SLC2A2: variants seen among roughly 807,000 people sequenced by gnomAD.
SLC2A2 encodes the protein solute carrier family 2, facilitated glucose transporter member 2.
Under a neutral mutation model 54.5 loss-of-function variants are expected in SLC2A2, and 36 were observed. The ratio of observed to expected loss-of-function variants is 0.66; its 90% CI spans 0.51 to 0.87. SLC2A2 has a LOEUF of 0.87. SLC2A2 is among the 40% of genes least tolerant of loss of function. The pLI is 0.00. For missense variants in SLC2A2, 543 were observed against 624.3 expected, an observed-to-expected ratio of 0.87 and a Z score of 1.39; for synonymous variants, 223 against 219.1, an observed-to-expected ratio of 1.02 and a Z score of -0.16.
chr3:171,026,289 C>T (rs1200184625), intron 1 of SLC2A2, among the ~76,000 whole-genome samples: 2 of 151,262 alleles, frequency 1.3e-5, no homozygotes, highest in Non-Finnish European at 2.9e-5. Context: ...AACCCTTCTA[C>T]CTCTTTTGTC....
chr3:171,017,448 C>T (rs1041829544), intron 2 of SLC2A2, among the ~76,000 whole-genome samples: 18 of 152,128 alleles, frequency 1.2e-4, no homozygotes, highest in Non-Finnish European at 1.9e-4. Context: ...TTATGGTCAG[C>T]GCATATTTCA....
At chr3:171,025,693 G>C (rs1716655543) in intron 1 of SLC2A2, among the ~76,000 whole-genome samples, 1 of 152,202 alleles carries the variant, frequency 6.6e-6, no homozygotes, top group Admixed American at 6.5e-5. Context: ...TGACATGAAG[G>C]AATGTTCAGC....
At chr3:171,013,002 G>T (rs1254281684) in intron 3 of SLC2A2, among the ~76,000 whole-genome samples, 1 of 152,102 alleles carries the variant, frequency 6.6e-6, no homozygotes, top group Non-Finnish European at 1.5e-5. Flanking sequence ...TTAAGTCACT[G>T]AACTCATCAG....
At chr3:171,018,738 A>G in intron 1 of SLC2A2, 115 bp from the exon 2 acceptor site, 1 of 738,588 alleles carries the variant, frequency 1.4e-6, no homozygotes, top group South Asian at 1.4e-5. Context: ...CTTTCCCCTC[A>G]ATATCGATTT....
Position 170,996,474 on chromosome 3 carries a change from T to C in SLC2A2, c.*1429A>G. The stretch of plus-strand genomic sequence containing the variant: ...TTAAAGAGTACTTTTTAAAAAGTGC[T>C]TTTCTTCAATACACATTAAAGCAAA... On this transcript the variant is annotated 3_prime_UTR_variant, in exon 11 of 11. Transcript: ENST00000314251. 1 of 395,680 alleles carries C rather than the reference T, an allele frequency of 2.5e-6. No individual in the cohort carries two copies. The highest frequency in any genetic ancestry group is 4.5e-6 in the Non-Finnish European group (1 of 224,292). 24.5% of individuals were successfully genotyped at this position (395,680 alleles called of 1,614,324 possible).
intron 8 of SLC2A2, among the ~76,000 whole-genome samples, chr3:171,001,939 A>G (rs1024348140): frequency 2.6e-5 from 4 of 151,536 alleles, no homozygotes; most frequent in Non-Finnish European, 4.4e-5. Flanking sequence ...TTTTGTTGGA[A>G]GAAAACAATA....
chr3:171,004,424 T>A (rs1344492619), intron 7 of SLC2A2, among the ~76,000 whole-genome samples: 1 of 151,832 alleles, frequency 6.6e-6, no homozygotes, highest in Non-Finnish European at 1.5e-5. Context: ...TGGAGTGAGG[T>A]TCAGGTCTCA....
At chr3:170,999,604 G>A (rs1323784449) in intron 8 of SLC2A2, among the ~76,000 whole-genome samples, 1 of 151,790 alleles carries the variant, frequency 6.6e-6, no homozygotes, top group Non-Finnish European at 1.5e-5. Context: ...TAATTACAAG[G>A]GTCTGTGCAC....
chr3:171,019,077 ATATATATATGTGTGTGTGTG>A (rs1449284001), intron 1 of SLC2A2, among the ~76,000 whole-genome samples: 2 of 85,884 alleles, frequency 2.3e-5, no homozygotes, highest in Non-Finnish European at 4.1e-5. Context: ...GTGTGTGTGT[ATATATATATGTGTGTGTGTG>A]TATATATATA....
chr3:171,008,334 T>C (rs1196848914), intron 4 of SLC2A2, among the ~76,000 whole-genome samples: 1 of 152,142 alleles, frequency 6.6e-6, no homozygotes, highest in Non-Finnish European at 1.5e-5. Context: ...GTGTAGCCTG[T>C]TGATCTTAAG....
chr3:171,010,484 A>G (rs576893464), intron 3 of SLC2A2, among the ~76,000 whole-genome samples: 5 of 152,270 alleles, frequency 3.3e-5, no homozygotes, highest in African/African-American at 1.2e-4. Context: ...GCTTAAGATA[A>G]CACTTATGAC....
At position 171,020,175 on chromosome 3, in the gene SLC2A2, T is replaced by C. The variant is rs372646299; in HGVS notation, c.16-1552A>G. ...TCCCTACCCTGGTGTAAAGCCCCAG[T>C]ATAAAGAATAGCAAATTAGCCAGAA... On this transcript the variant is annotated intron_variant, in intron 1 of 10. Transcript: ENST00000314251. Among the ~76,000 whole-genome samples, 148 of 152,210 alleles carry C rather than the reference T, an allele frequency of 9.7e-4. 2 individuals are homozygous for C. The South Asian group carries it at 0.03, about 30-fold the overall frequency.
At chr3:171,013,071 G>A (rs1576836689) in intron 3 of SLC2A2, among the ~76,000 whole-genome samples, 1 of 152,254 alleles carries the variant, frequency 6.6e-6, no homozygotes, top group South Asian at 2.1e-4. Context: ...GGAATGAGAA[G>A]TAGTATAAAA....
chr3:171,007,178 C>T lies in SLC2A2; in HGVS notation c.582G>A (p.Leu194=). 6.2e-7 allele frequency: 1 copy of T among 1,612,268 alleles called. No homozygotes were observed. Among genetic ancestry groups the T allele is most frequent in the East Asian group, 2.2e-5 (1 of 44,810 alleles). Residue 194 remains leucine, a synonymous_variant, in exon 5 of 11, where the codon CTG becomes CTA. Transcript: ENST00000314251. ...TAATAAGAATGCCCGTGACGATGGC[C>T]AGCTGATGAAAAGTGCCAAGTGCTC... is the stretch of plus-strand genomic sequence containing the variant. ...LRGALGTFHQ[L]AIVTGILISQ... is the part of the protein sequence containing the mutation.
chr3:171,002,784 G>T, intron 7 of SLC2A2, 104 bp from the exon 8 acceptor site: 1 of 726,674 alleles, frequency 1.4e-6, no homozygotes. Flanking sequence ...TTTCTATAGC[G>T]GCATGCACCC....
In SLC2A2 at chr3:171,026,692, C is replaced by G. The variant is rs763676932; in HGVS notation, c.-22G>C. ...TCATTGTACTAGTTGGGAGTCCTGT[C>G]AATTCCAGGTCTTGTGTGAGTGTGG... is the stretch of plus-strand genomic sequence containing the variant. On this transcript the variant is annotated 5_prime_UTR_variant, in exon 1 of 11. Coordinates refer to ENST00000314251, the MANE Select transcript of SLC2A2 (RefSeq NM_000340.2). 4 of 1,611,372 alleles carry G rather than the reference C, an allele frequency of 2.5e-6. No homozygotes were observed. The highest frequency in any genetic ancestry group is 3.4e-6 in the Non-Finnish European group (4 of 1,177,502).
In SLC2A2 at chr3:171,018,706, T is replaced by C. The variant is rs1010929290; in HGVS notation, c.16-83A>G. 8.9e-5 allele frequency: 80 copies of C among 901,758 alleles called. No individual in the cohort carries two copies. The African/African-American group carries it at 1.0e-3, about 12-fold the overall frequency. The allele number at this position is 901,758 out of a possible 1,614,324, so 55.9% of individuals were successfully genotyped here. ...TCTGTCAGGCTGCAGCTTAAACTTCTTACAGGCTCCACAGGCTGGTTCTTT... is the reference window on the plus strand; with the variant it reads ...TCTGTCAGGCTGCAGCTTAAACTTCCTACAGGCTCCACAGGCTGGTTCTTT... On this transcript the variant is annotated intron_variant, in intron 1 of 10. Coordinates refer to ENST00000314251, the MANE Select transcript of SLC2A2 (RefSeq NM_000340.2).
rs1335224486 is a variant in SLC2A2 at position 171,005,601 on chromosome 3, T to G, written c.776-129A>C. The G allele has an allele frequency of 5.0e-5, 37 of 745,634 alleles. 1 individual carries two copies. Among genetic ancestry groups the G allele is most frequent in the Non-Finnish European group, 8.0e-5 (36 of 451,642 alleles). 46.2% of individuals were successfully genotyped at this position (745,634 alleles called of 1,614,324 possible). ...ACTTAATAGCATGGGTGTTGGAAATTCTTTTTTTGTTAAATTAGATCCTGC... is the reference window on the plus strand; with the variant it reads ...ACTTAATAGCATGGGTGTTGGAAATGCTTTTTTTGTTAAATTAGATCCTGC... On this transcript the variant is annotated intron_variant, in intron 6 of 10. Transcript: ENST00000314251.
Position 170,999,128 on chromosome 3 carries a change from A to T in SLC2A2, c.1107T>A (p.Phe369Leu), listed in dbSNP as rs1223071449. The change falls in exon 9 of 11, where the codon TTT (phenylalanine) becomes TTA (leucine). Residue 369 changes from phenylalanine to leucine, a missense_variant. Phe to Leu is a conservative substitution (Grantham distance 22, BLOSUM62 0). Transcript: ENST00000314251. ...CAAACATCCCACTCATTCCAATTAGAAAGAGAGAACGTCGCCCTGCCTTCT... is the reference window on the plus strand; with the variant it reads ...CAAACATCCCACTCATTCCAATTAGTAAGAGAGAACGTCGCCCTGCCTTCT... Reference protein sequence around the residue: ...LVEKAGRRSLFLIGMSGMFVC... With the variant: ...LVEKAGRRSLLLIGMSGMFVC... 1 of 1,612,784 alleles carries T rather than the reference A, an allele frequency of 6.2e-7. No individual in the cohort carries two copies.
Sources: allele counts gnomAD v4.1 joint callset (sites outside exome capture counted in the v4.1 genomes callset), GRCh38; gene constraint gnomAD v4.1.1; transcripts MANE v1.5; gene names NCBI Gene and HGNC (gene_info 2026-07-23, HGNC 2026-07-21).